The following GLIS3 variants were observed in gnomAD, a reference collection of about 807,000 sequenced individuals.
The protein encoded by GLIS3 is GLIS family zinc finger 3, also known as zinc finger protein GLIS3.
GLIS3 carries 53 observed loss-of-function variants against 78.6 expected under a neutral mutation model. The observed-to-expected ratio is 0.67, with a 90% confidence interval of 0.54 to 0.85. The LOEUF is 0.85. GLIS3 is among the 40% of genes least tolerant of loss of function. The pLI, the probability that GLIS3 is intolerant of heterozygous loss-of-function variation, is 0.00. For synonymous variants in GLIS3, 684 were observed against 509.9 expected, an observed-to-expected ratio of 1.34 and a Z score of -4.60; for missense variants, 1,703 against 1,231.1, an observed-to-expected ratio of 1.38 and a Z score of -5.74.
chr9:4,205,568 G>A (rs1256671177), intron 2 of GLIS3, among the ~76,000 whole-genome samples: 1 of 152,212 alleles, frequency 6.6e-6, no homozygotes, highest in African/African-American at 2.4e-5. Flanking sequence ...TCTAGAGGTG[G>A]GGGCTTGGAA....
intron 4 of GLIS3, among the ~76,000 whole-genome samples, chr9:3,962,673 G>C (rs889986642): frequency 6.6e-6 from 1 of 152,164 alleles, no homozygotes; most frequent in Middle Eastern, 3.2e-3. Flanking sequence ...AGGATGGGTT[G>C]AGGAGAGTAA....
intron 7 of GLIS3, among the ~76,000 whole-genome samples, chr9:3,881,919 C>G (rs182508809): frequency 5.3e-4 from 81 of 152,322 alleles, no homozygotes; most frequent in Non-Finnish European, 1.0e-3. Flanking sequence ...TAAGCTCTGG[C>G]CAAACCAGAC....
chr9:3,879,390 G>C, intron 8 of GLIS3, 37 bp downstream of exon 8: 1 of 1,606,168 alleles, frequency 6.2e-7, no homozygotes. Flanking sequence ...AGGTTTGGCG[G>C]CGACACCTAT....
intron 2 of GLIS3, among the ~76,000 whole-genome samples, chr9:4,148,850 C>T (rs1834441062): frequency 6.6e-6 from 1 of 152,146 alleles, no homozygotes; most frequent in South Asian, 2.1e-4. Flanking sequence ...AGAGCTGCCA[C>T]TTTGTTGTCC....
intron 2 of GLIS3, among the ~76,000 whole-genome samples, chr9:4,167,058 T>A (rs1255782845): frequency 2.0e-5 from 3 of 151,754 alleles, no homozygotes; most frequent in Non-Finnish European, 3.0e-5. Flanking sequence ...AAGTGGAGAA[T>A]CAGAAGTAAA....
At chr9:3,839,597 G>T (rs1157816635) in intron 9 of GLIS3, among the ~76,000 whole-genome samples, 1 of 151,896 alleles carries the variant, frequency 6.6e-6, no homozygotes, top group African/African-American at 2.4e-5. Flanking sequence ...AAAAAAAAGG[G>T]GGGAGAAGTT....
intron 2 of GLIS3, among the ~76,000 whole-genome samples, chr9:4,177,638 A>G (rs1276857495): frequency 6.6e-6 from 1 of 152,198 alleles, no homozygotes; most frequent in Non-Finnish European, 1.5e-5. Flanking sequence ...GCTTCTATGA[A>G]ACCAACCTTT....
chr9:3,884,669 G>T (rs572116537), intron 7 of GLIS3, among the ~76,000 whole-genome samples: 96 of 152,234 alleles, frequency 6.3e-4, no homozygotes, highest in Non-Finnish European at 1.0e-3. Flanking sequence ...TTTATAATGT[G>T]CAAAGTTCTT....
the GLIS3 span, among the ~76,000 whole-genome samples, chr9:4,421,835 G>A: frequency 6.6e-6 from 1 of 152,186 alleles, no homozygotes; most frequent in Non-Finnish European, 1.5e-5. Context: ...TCTACTGCGG[G>A]AATTCTTAAC....
chr9:4,295,493 G>C (rs1302123247), intron 1 of GLIS3, among the ~76,000 whole-genome samples: 1 of 152,168 alleles, frequency 6.6e-6, no homozygotes, highest in Non-Finnish European at 1.5e-5. Flanking sequence ...AAAGGTTGTT[G>C]TGTTGAGCGA....
In GLIS3 at chr9:4,262,148, G is replaced by A. The variant is rs144380897; in HGVS notation, c.388+23890C>T. Among the ~76,000 whole-genome samples the A allele has an allele frequency of 8.5e-4, 129 of 152,254 alleles. 1 individual carries two copies. The highest frequency in any genetic ancestry group is 1.6e-3 in the Non-Finnish European group (109 of 68,022). ...CTGAAGAGTGCTCTCGGATCTGGGA[G>A]CCATAGTGCAGTGCAAGGGGGAGAA... is the stretch of plus-strand genomic sequence containing the variant. On this transcript the variant is annotated intron_variant, in intron 2 of 10. Transcript: ENST00000381971.
chr9:4,463,680 G>A, the GLIS3 span, among the ~76,000 whole-genome samples: 1 of 152,102 alleles, frequency 6.6e-6, no homozygotes, highest in Non-Finnish European at 1.5e-5. Context: ...AAAAATATTG[G>A]GGAAAACAGA....
At chr9:4,052,546 T>C (rs1202613369) in intron 4 of GLIS3, among the ~76,000 whole-genome samples, 3 of 152,184 alleles carry the variant, frequency 2.0e-5, no homozygotes, top group African/African-American at 7.2e-5. Flanking sequence ...TCTCTATAGA[T>C]TTACCTCTTC....
intron 8 of GLIS3, among the ~76,000 whole-genome samples, chr9:3,867,155 T>C (rs1820640509): frequency 6.6e-6 from 1 of 152,224 alleles, no homozygotes; most frequent in Admixed American, 6.5e-5. Flanking sequence ...TTCTCCATTA[T>C]CAAGAAACAC....
chr9:4,362,504 A>G, the GLIS3 span, among the ~76,000 whole-genome samples: 1 of 152,220 alleles, frequency 6.6e-6, no homozygotes, highest in Non-Finnish European at 1.5e-5. Context: ...TTTTATTAAA[A>G]TCCTATAGCA....
intron 3 of GLIS3, among the ~76,000 whole-genome samples, chr9:4,309,442 G>A (rs190776110): frequency 3.3e-5 from 5 of 152,288 alleles, no homozygotes; most frequent in Admixed American, 3.3e-4. Context: ...AACAGGAATT[G>A]TGTGGCATAA....
intron 4 of GLIS3, among the ~76,000 whole-genome samples, chr9:3,964,535 C>G (rs1223750324): frequency 1.3e-5 from 2 of 152,144 alleles, no homozygotes; most frequent in African/African-American, 4.8e-5. Flanking sequence ...TTAATTAAAT[C>G]TGATGTTCTG....
chr9:4,175,536 G>T (rs1180513309), intron 2 of GLIS3, among the ~76,000 whole-genome samples: 1 of 152,120 alleles, frequency 6.6e-6, no homozygotes, highest in Non-Finnish European at 1.5e-5. Context: ...CACACACGAG[G>T]TTCTTAACCG....
intron 2 of GLIS3, among the ~76,000 whole-genome samples, chr9:4,218,246 C>T (rs897781011): frequency 6.6e-6 from 1 of 152,204 alleles, no homozygotes; most frequent in Non-Finnish European, 1.5e-5. Context: ...CTCCCCATCT[C>T]CACTGCAACC....
Sources: gnomAD v4.1 joint callset for allele counts (sites outside exome capture counted in the v4.1 genomes callset) on GRCh38, gnomAD v4.1.1 for gene constraint, MANE v1.5 for transcripts, NCBI Gene and HGNC (gene_info 2026-07-23, HGNC 2026-07-21) for gene names.